DENND4A: variants seen among roughly 807,000 people sequenced by gnomAD.
DENND4A encodes the protein C-myc promoter-binding protein.
In DENND4A, 70 loss-of-function variants were observed where a neutral mutation model predicts 199.3. That is an observed-to-expected ratio of 0.35 (90% confidence interval 0.29 to 0.43). The LOEUF (loss-of-function observed/expected upper bound fraction) is 0.43, where lower values mean the gene tolerates loss of function less well. Ranked by LOEUF, DENND4A falls within the 20% of genes least tolerant of loss-of-function variation. DENND4A has a pLI of 1.00. For missense variants in DENND4A, 1,723 were observed against 2,255.8 expected, an observed-to-expected ratio of 0.76 and a Z score of 4.78; for synonymous variants, 686 against 766.9, an observed-to-expected ratio of 0.89 and a Z score of 1.74.
intron 23 of DENND4A, among the ~76,000 whole-genome samples, chr15:65,683,203 C>T (rs1289910880): frequency 6.6e-6 from 1 of 152,180 alleles, no homozygotes; most frequent in Non-Finnish European, 1.5e-5. Flanking sequence ...TGAGACCTGC[C>T]TACGCTAGGC....
At position 65,729,798 on chromosome 15, in the gene DENND4A, T is replaced by C. The variant is rs1480435096; in HGVS notation, c.1167-120A>G. ...TTTGTATTATATATGTTGATTAGGG[T>C]ACAATTTGTATTATATATTCACCGT... On this transcript the variant is annotated intron_variant, in intron 9 of 32. Transcript: ENST00000443035. The C allele has an allele frequency of 3.4e-6, 3 of 887,906 alleles. No homozygotes were observed. In the South Asian group the frequency reaches 6.1e-5, roughly 18 times the overall value. The allele number at this position is 887,906 out of a possible 1,614,324, so 55.0% of individuals were successfully genotyped here.
chr15:65,756,158 G>A lies in DENND4A; in HGVS notation c.293C>T (p.Pro98Leu). 1 of 1,608,704 alleles carries A rather than the reference G, an allele frequency of 6.2e-7. No homozygotes were observed. Among genetic ancestry groups the A allele is most frequent in the Non-Finnish European group, 8.5e-7 (1 of 1,177,326 alleles). Reference sequence around the variant, plus strand: ...TACTTACCCCAGATCTGTAAGTGGAGGCTTATCTCTTCCTCTTCTATAGCA... The same window carrying A: ...TACTTACCCCAGATCTGTAAGTGGAAGCTTATCTCTTCCTCTTCTATAGCA... ...YLCYRRGRDK[P>L]PLTDLGVLYD... The change falls in exon 3 of 33, where the codon CCT (proline) becomes CTT (leucine). Residue 98 changes from proline to leucine, a missense_variant. This residue lies in a region of DENND4A where 725 missense variants were observed against 952.9 expected (regional missense o/e 0.76). Transcript: ENST00000443035.
At chr15:65,789,081 T>C (rs746144975) in intron 1 of DENND4A, among the ~76,000 whole-genome samples, 11 of 152,196 alleles carry the variant, frequency 7.2e-5, no homozygotes, top group Non-Finnish European at 1.5e-4. Flanking sequence ...AAATGATTTT[T>C]AGAAGTTGTA....
chr15:65,701,543 G>A (rs773528770), intron 18 of DENND4A, among the ~76,000 whole-genome samples: 1 of 152,088 alleles, frequency 6.6e-6, no homozygotes, highest in Non-Finnish European at 1.5e-5. Flanking sequence ...CTCTAGCCTG[G>A]CGCTAGAGTC....
chr15:65,717,202 C>T (rs1336143643), intron 13 of DENND4A, among the ~76,000 whole-genome samples: 2 of 151,950 alleles, frequency 1.3e-5, no homozygotes, highest in African/African-American at 4.8e-5. Flanking sequence ...TATCCAATGC[C>T]TAGCATTCGG....
At chr15:65,689,780 A>G (rs1383021181) in intron 23 of DENND4A, among the ~76,000 whole-genome samples, 1 of 152,166 alleles carries the variant, frequency 6.6e-6, no homozygotes, top group Non-Finnish European at 1.5e-5. Context: ...AAAGTCTTCA[A>G]TTTTGTCTCT....
intron 5 of DENND4A, among the ~76,000 whole-genome samples, chr15:65,740,861 CTGAGG>C (rs2076242562): frequency 2.0e-5 from 3 of 151,840 alleles, no homozygotes; most frequent in African/African-American, 7.3e-5. Context: ...ACTAGGGAGA[CTGAGG>C]CAAGAGGATA....
intron 14 of DENND4A, among the ~76,000 whole-genome samples, chr15:65,706,809 T>C (rs1023002059): frequency 1.3e-5 from 2 of 152,152 alleles, no homozygotes; most frequent in African/African-American, 4.8e-5. Context: ...TTTTTGCTTA[T>C]ATTTACATAA....
chr15:65,791,562 G>A (rs1057211313), intron 1 of DENND4A, among the ~76,000 whole-genome samples: 7 of 152,010 alleles, frequency 4.6e-5, no homozygotes, highest in African/African-American at 1.7e-4. Flanking sequence ...ACAGACCCTG[G>A]GAGGAAAAGT....
At chr15:65,679,182 C>T (rs1293129156) in intron 23 of DENND4A, among the ~76,000 whole-genome samples, 1 of 151,928 alleles carries the variant, frequency 6.6e-6, no homozygotes, top group Admixed American at 6.6e-5. Context: ...GCAACCTCCG[C>T]CCTCCACTTC....
chr15:65,660,280 G>T lies in DENND4A; in HGVS notation c.*1571C>A. On this transcript the variant is annotated 3_prime_UTR_variant, in exon 33 of 33. Coordinates refer to ENST00000443035, the MANE Select transcript of DENND4A (RefSeq NM_001320835.1). ...TAAACTCTCTCCATTATTTCCCAGAGTTGGAAGCTGTGAAATGTTTCAGCA... is the reference window on the plus strand; with the variant it reads ...TAAACTCTCTCCATTATTTCCCAGATTTGGAAGCTGTGAAATGTTTCAGCA... 2 of 1,534,698 alleles carry T rather than the reference G, an allele frequency of 1.3e-6. No individual in the cohort carries two copies. The highest frequency in any genetic ancestry group is 2.7e-5 in the African/African-American group (2 of 73,138).
In DENND4A at chr15:65,772,706, C is replaced by CAAAA. The variant is rs34181353; in HGVS notation, c.-101-11272_-101-11269dup. Among the ~76,000 whole-genome samples the CAAAA allele has an allele frequency of 1.6e-3, 54 of 33,594 alleles. 2 individuals are homozygous for CAAAA. Among genetic ancestry groups the CAAAA allele is most frequent in the South Asian group, 8.7e-3 (4 of 458 alleles). The allele number at this position is 33,594 out of a possible 152,430, so 22.0% of individuals were successfully genotyped here. A position where few individuals can be genotyped will look rare whatever the true frequency, so the allele number is the denominator to read the frequency against. On this transcript the variant is annotated intron_variant, in intron 1 of 32. Coordinates refer to ENST00000443035, the MANE Select transcript of DENND4A (RefSeq NM_001320835.1). ...TGGGCAACAAAATGAGACTCCGTCT[C>CAAAA]AAAAAAAAAAAAAAAAAAAAAAAAA...
intron 11 of DENND4A, among the ~76,000 whole-genome samples, chr15:65,723,958 A>C (rs2075725227): frequency 6.6e-6 from 1 of 152,080 alleles, no homozygotes; most frequent in Non-Finnish European, 1.5e-5. Context: ...ATTACAACAC[A>C]GTTGGTCTCT....
At chr15:65,777,472 C>A (rs960916603) in intron 1 of DENND4A, among the ~76,000 whole-genome samples, 1 of 151,964 alleles carries the variant, frequency 6.6e-6, no homozygotes, top group African/African-American at 2.4e-5. Context: ...CCAGCCTCAG[C>A]CTCCCAAGTA....
Position 65,701,660 on chromosome 15 carries a change from CTAAAA to C in DENND4A, c.2559+97_2559+101del, listed in dbSNP as rs2074872436. The C allele has an allele frequency of 5.5e-6, 6 of 1,083,356 alleles. No individual in the cohort carries two copies. In the Admixed American group the frequency reaches 1.4e-4, roughly 24 times the overall value. 67.1% of individuals were successfully genotyped at this position (1,083,356 alleles called of 1,614,324 possible). A position where few individuals can be genotyped will look rare whatever the true frequency, so the allele number is the denominator to read the frequency against. ...ATTGACAAAATGTATTTTATATACT[CTAAAA>C]TAAATGCCAAATAACCCCCTGCATA... On this transcript the variant is annotated intron_variant, in intron 18 of 32. Coordinates refer to ENST00000443035, the MANE Select transcript of DENND4A (RefSeq NM_001320835.1).
intron 1 of DENND4A, among the ~76,000 whole-genome samples, chr15:65,770,360 T>C (rs937229977): frequency 1.3e-5 from 2 of 152,176 alleles, no homozygotes; most frequent in Non-Finnish European, 2.9e-5. Flanking sequence ...CATCAAAATT[T>C]GGTGGCCTTT....
chr15:65,733,461 G>A (rs2076021226), intron 7 of DENND4A, among the ~76,000 whole-genome samples: 1 of 151,820 alleles, frequency 6.6e-6, no homozygotes, highest in African/African-American at 2.4e-5. Context: ...GAATATGTTT[G>A]TATTATTTTT....
At chr15:65,770,035 T>G (rs1468608150) in intron 1 of DENND4A, among the ~76,000 whole-genome samples, 2 of 152,126 alleles carry the variant, frequency 1.3e-5, no homozygotes, top group African/African-American at 2.4e-5. Context: ...TGAATAGATT[T>G]TAGCTCAGTA....
At chr15:65,763,000 T>C (rs1248523872) in intron 1 of DENND4A, among the ~76,000 whole-genome samples, 1 of 152,158 alleles carries the variant, frequency 6.6e-6, no homozygotes, top group Non-Finnish European at 1.5e-5. Context: ...TGCCAGTATC[T>C]TATTTTTTTA....
Sources: gnomAD v4.1 joint callset for allele counts (sites outside exome capture counted in the v4.1 genomes callset) on GRCh38, gnomAD v4.1.1 for gene constraint, gnomAD v4.1.1 regional missense constraint, MANE v1.5 for transcripts, NCBI Gene and HGNC (gene_info 2026-07-23, HGNC 2026-07-21) for gene names.